The following RAD21L1 variants were observed in gnomAD, a reference collection of about 807,000 sequenced individuals.
RAD21L1 encodes the protein RAD21 cohesin complex component like 1.
RAD21L1 carries 47 observed loss-of-function variants against 69.0 expected under a neutral mutation model. The observed-to-expected ratio is 0.68, with a 90% CI of 0.54 to 0.87. RAD21L1 has a LOEUF of 0.87. RAD21L1 is among the 40% of genes least tolerant of loss of function. The probability of loss-of-function intolerance (pLI) is 0.00; values close to 1 mark genes in which losing one functional copy is unlikely to be tolerated. For synonymous variants in RAD21L1, 177 were observed against 205.8 expected, an observed-to-expected ratio of 0.86 and a Z score of 1.20; for missense variants, 583 against 647.6, an observed-to-expected ratio of 0.90 and a Z score of 1.08.
rs1008774456 is a variant in RAD21L1, at chr20:1,254,789, A to G, written c.*332A>G. Among the ~76,000 whole-genome samples, 4 of 152,098 alleles carry G rather than the reference A, an allele frequency of 2.6e-5. No homozygotes were observed. The highest frequency in any genetic ancestry group is 9.7e-5 in the African/African-American group (4 of 41,440). ...GCTGGGACTACAGGCACATGCCACC[A>G]TACCTGGCTCAGAAATACTTAATTA... is the stretch of plus-strand genomic sequence containing the variant. On this transcript the variant is annotated 3_prime_UTR_variant, in exon 14 of 14. Transcript: ENST00000683101.
chr20:1,226,845 G>A (rs938742920), intron 1 of RAD21L1, among the ~76,000 whole-genome samples: 2 of 152,246 alleles, frequency 1.3e-5, no homozygotes, highest in Non-Finnish European at 2.9e-5. Flanking sequence ...CTCAGGAATA[G>A]CAAATCTCAG....
In RAD21L1 at chr20:1,243,116, T is replaced by G; in HGVS notation, c.1103T>G (p.Leu368Arg). 1 of 1,530,812 alleles carries G rather than the reference T, an allele frequency of 6.5e-7. No homozygotes were observed. 94.8% of individuals were successfully genotyped at this position (1,530,812 alleles called of 1,614,324 possible). A position where few individuals can be genotyped will look rare whatever the true frequency, so the allele number is the denominator to read the frequency against. ...TTACAGTTGTTTACAAAATGCTTTC[T>G]GTCCTCTGGCTTTAAACTTGGAAGA... is the stretch of plus-strand genomic sequence containing the variant. The part of the protein sequence containing the change: ...ELKMLFTKCF[L>R]SSGFKLGRKM... The change falls in exon 10 of 14, where the codon CTG (leucine) becomes CGG (arginine). Residue 368 changes from leucine to arginine, a missense_variant. By Grantham distance (102) the Leu-to-Arg change is moderately radical. Coordinates refer to ENST00000683101, the MANE Select transcript of RAD21L1 (RefSeq NM_001384355.1).
chr20:1,253,431 G>A (rs919201754), intron 13 of RAD21L1, among the ~76,000 whole-genome samples: 1 of 152,126 alleles, frequency 6.6e-6, no homozygotes, highest in Non-Finnish European at 1.5e-5. Flanking sequence ...CGAATAGCTG[G>A]GATTAGAGGC....
In RAD21L1 at chr20:1,240,426, A is replaced by G. The variant is rs1475302516; in HGVS notation, c.848A>G (p.Asp283Gly). 6.5e-7 allele frequency: 1 copy of G among 1,541,672 alleles called. No homozygotes were observed. The highest frequency in any genetic ancestry group is 2.5e-5 in the East Asian group (1 of 40,736). Residue 283 changes from aspartate (D) to glycine (G), a missense_variant, in exon 8 of 14, where the codon GAT (aspartate) becomes GGT (glycine). By Grantham distance (94) the Asp-to-Gly change is moderately conservative. Transcript: ENST00000683101. ...EEEGFTLDPI[D>G]ISDIAEKRKG... ...GAAGGATTTACCCTTGATCCAATTG[A>G]TATTTCAGGTCAGAGGCATTTACGG...
chr20:1,242,883 G>C, intron 9 of RAD21L1, 38 bp downstream of exon 9: 1 of 1,244,516 alleles, frequency 8.0e-7, no homozygotes, highest in Non-Finnish European at 1.1e-6. Flanking sequence ...AGCAATGTCT[G>C]GTTATAAATA....
intron 11 of RAD21L1, among the ~76,000 whole-genome samples, chr20:1,245,974 G>A (rs2087708829): frequency 6.6e-6 from 1 of 152,082 alleles, no homozygotes; most frequent in Non-Finnish European, 1.5e-5. Context: ...AGGATAGGAA[G>A]CAAGGAGGGA....
At position 1,244,495 on chromosome 20, in the gene RAD21L1, T is replaced by A. The variant is rs116031335; in HGVS notation, c.1308+325T>A. Among the ~76,000 whole-genome samples, 1,178 of 152,266 alleles carry A rather than the reference T, an allele frequency of 7.7e-3. 20 individuals carry two copies. The highest frequency in any genetic ancestry group is 0.027 in the African/African-American group (1,117 of 41,546). The stretch of plus-strand genomic sequence containing the variant: ...GCCTCATATTCTTTGTGTCATGGAA[T>A]GTTTTAGAACTGCAGCCAGTATGCC... On this transcript the variant is annotated intron_variant, in intron 11 of 13. Transcript: ENST00000683101.
chr20:1,245,072 A>G (rs1168312621), intron 11 of RAD21L1, among the ~76,000 whole-genome samples: 2 of 152,210 alleles, frequency 1.3e-5, no homozygotes, highest in Non-Finnish European at 2.9e-5. Flanking sequence ...ATTTTTTGGA[A>G]GGAAAATACA....
At chr20:1,231,433 C>A in intron 3 of RAD21L1, 93 bp from the exon 4 acceptor site, 1 of 691,320 alleles carries the variant, frequency 1.4e-6, no homozygotes, top group Non-Finnish European at 2.6e-6. Context: ...TTAGAATAAG[C>A]AGTAGTCCAG....
At chr20:1,239,227 A>G (rs1014621575) in intron 6 of RAD21L1, 85 bp from the exon 7 acceptor site, 28 of 723,250 alleles carry the variant, frequency 3.9e-5, no homozygotes, top group Non-Finnish European at 6.3e-5. Context: ...TTACAATGAA[A>G]TGCATAAAGT....
At chr20:1,231,777 A>G (rs1378300768) in intron 4 of RAD21L1, among the ~76,000 whole-genome samples, 158 bp downstream of exon 4, 2 of 152,238 alleles carry the variant, frequency 1.3e-5, no homozygotes, top group Non-Finnish European at 2.9e-5. Context: ...AAGTACAACA[A>G]CAAAAGTGTG....
In RAD21L1 at chr20:1,238,152, G is replaced by T. The variant is rs759925072; in HGVS notation, c.584G>T (p.Arg195Leu). Residue 195 changes from arginine (R) to leucine (L), a missense_variant, in exon 6 of 14, where the codon CGA (arginine) becomes CTA (leucine). Coordinates refer to ENST00000683101, the MANE Select transcript of RAD21L1 (RefSeq NM_001384355.1). Reference protein sequence around the residue: ...EHSSGSLTGERSLFYDSGDGF... With the variant: ...EHSSGSLTGELSLFYDSGDGF... ...AGTTCTGGAAGCCTCACTGGAGAAC[G>T]ATCTCTATTCTATGACAGTGGAGAT... The T allele has an allele frequency of 6.5e-7, 1 of 1,545,154 alleles. No homozygotes were observed. Among genetic ancestry groups the T allele is most frequent in the South Asian group, 1.2e-5 (1 of 82,988 alleles).
At chr20:1,242,969 C>T in intron 9 of RAD21L1, 124 bp downstream of exon 9, 1 of 901,872 alleles carries the variant, frequency 1.1e-6, no homozygotes, top group African/African-American at 1.7e-5. Context: ...AGTACTTCCT[C>T]ATTTTGAATT....
chr20:1,246,312 A>T lies in RAD21L1; in HGVS notation c.1401+7A>T. ...ATATAGTCCAGTTGAATTGGTAAATATATGTGTAGTCTTGGGGATGTTCTT... is the reference window on the plus strand; with the variant it reads ...ATATAGTCCAGTTGAATTGGTAAATTTATGTGTAGTCTTGGGGATGTTCTT... On this transcript the variant is annotated splice_region_variant and intron_variant, in intron 12 of 13. Transcript: ENST00000683101. This position sits in a 1 kb window ranked among gnomAD's most constrained non-coding sequence, Gnocchi z 4.6. 8 of 1,377,104 alleles carry T rather than the reference A, an allele frequency of 5.8e-6. No homozygotes were observed. The highest frequency in any genetic ancestry group is 8.0e-6 in the Non-Finnish European group (8 of 1,002,830). 85.3% of individuals were successfully genotyped at this position (1,377,104 alleles called of 1,614,324 possible).
chr20:1,231,991 G>C lies in RAD21L1; in HGVS notation c.368+372G>C, dbSNP rs552941367. Among the ~76,000 whole-genome samples the C allele has an allele frequency of 1.2e-4, 18 of 152,270 alleles. 1 individual carries two copies. In the South Asian group the frequency reaches 3.7e-3, roughly 32 times the overall value. ...AAATAAACGAATAAATATATGTCAG[G>C]AAATGATCACCATTGTGAAGAGAAA... On this transcript the variant is annotated intron_variant, in intron 4 of 13. Coordinates refer to ENST00000683101, the MANE Select transcript of RAD21L1 (RefSeq NM_001384355.1).
chr20:1,228,332 T>G (rs1339762600), intron 1 of RAD21L1, 90 bp from the exon 2 acceptor site: 6 of 581,406 alleles, frequency 1.0e-5, no homozygotes, highest in Non-Finnish European at 1.7e-5. Flanking sequence ...ATAATCTGAA[T>G]GTTATTTTGT....
chr20:1,236,680 A>G (rs181771390), intron 5 of RAD21L1, among the ~76,000 whole-genome samples: 37 of 152,322 alleles, frequency 2.4e-4, no homozygotes, highest in African/African-American at 8.9e-4. Flanking sequence ...ATAACTAACA[A>G]CATCATAGGG....
intron 13 of RAD21L1, among the ~76,000 whole-genome samples, chr20:1,250,319 A>G (rs1044279385): frequency 6.7e-6 from 1 of 150,156 alleles, no homozygotes; most frequent in Non-Finnish European, 1.5e-5. Flanking sequence ...TTTGTTACAT[A>G]TGTATACATG....
At chr20:1,245,543 C>A (rs980879753) in intron 11 of RAD21L1, among the ~76,000 whole-genome samples, 1 of 152,108 alleles carries the variant, frequency 6.6e-6, no homozygotes, top group African/African-American at 2.4e-5. Flanking sequence ...TTGAGGAGGA[C>A]AGCTGGGGAA....
Sources: gnomAD v4.1 joint callset for allele counts (sites outside exome capture counted in the v4.1 genomes callset) on GRCh38, gnomAD v4.1.1 for gene constraint, Gnocchi (gnomAD v3.1) non-coding constraint, MANE v1.5 for transcripts, NCBI Gene and HGNC (gene_info 2026-07-23, HGNC 2026-07-21) for gene names.